Variants in FARP1 observed in about 807,000 individuals in gnomAD.
The protein encoded by FARP1 is FERM, ARHGEF and pleckstrin domain-containing protein 1.
A neutral mutation model predicts 128.8 loss-of-function variants in FARP1; 52 were observed. The ratio of observed to expected loss-of-function variants is 0.40; its 90% CI spans 0.32 to 0.51. FARP1 has a LOEUF of 0.51. Ranked by LOEUF, FARP1 falls within the 20% of genes least tolerant of loss-of-function variation. The pLI is 0.45. For missense variants in FARP1, 1,333 were observed against 1,367.9 expected, an observed-to-expected ratio of 0.97 and a Z score of 0.40; for synonymous variants, 580 against 551.8, an observed-to-expected ratio of 1.05 and a Z score of -0.72.
At chr13:98,165,943 C>T (rs1877238286) in intron 1 of FARP1, among the ~76,000 whole-genome samples, 1 of 151,890 alleles carries the variant, frequency 6.6e-6, no homozygotes, top group Non-Finnish European at 1.5e-5. Flanking sequence ...TCGTCTCGAC[C>T]TCCTGATCTC....
At position 98,242,702 on chromosome 13, in the gene FARP1, T is replaced by G. The variant is rs145106441; in HGVS notation, c.171+29289T>G. On this transcript the variant is annotated intron_variant, in intron 2 of 26. Transcript: ENST00000319562. ...AAAGAAATCTGGACTTAATATAAAA[T>G]TTTGAAAGATGTAAGGCTATGGAAA... Among the ~76,000 whole-genome samples the G allele has an allele frequency of 6.6e-4, 101 of 152,286 alleles. 5 individuals carry two copies. In the East Asian group the frequency reaches 0.019, roughly 29 times the overall value.
chr13:98,357,913 G>A (rs1888703766), intron 3 of FARP1, among the ~76,000 whole-genome samples: 1 of 152,120 alleles, frequency 6.6e-6, no homozygotes. Flanking sequence ...ACACTGTAGG[G>A]CATAGTCTGG....
At chr13:98,291,340 T>TGAG (rs1222663567) in intron 2 of FARP1, among the ~76,000 whole-genome samples, 5 of 151,844 alleles carry the variant, frequency 3.3e-5, no homozygotes, top group Non-Finnish European at 5.9e-5. Context: ...TTGAGTGGGC[T>TGAG]GAGGAGGAGG....
intron 3 of FARP1, among the ~76,000 whole-genome samples, chr13:98,356,642 T>TTTAC (rs1482627835): frequency 6.6e-6 from 1 of 151,126 alleles, no homozygotes; most frequent in Non-Finnish European, 1.5e-5. Flanking sequence ...TATTTATTTA[T>TTTAC]TTATTTATTT....
chr13:98,203,475 A>T (rs556514837), intron 1 of FARP1, among the ~76,000 whole-genome samples: 1 of 152,336 alleles, frequency 6.6e-6, no homozygotes, highest in South Asian at 2.1e-4. Context: ...TTGGCTGGAT[A>T]TTACATTTAA....
chr13:98,273,713 C>T (rs1395623438), intron 2 of FARP1, among the ~76,000 whole-genome samples: 3 of 152,166 alleles, frequency 2.0e-5, no homozygotes, highest in East Asian at 1.9e-4. Flanking sequence ...TAACATAGCT[C>T]GTGTGAAGCA....
At chr13:98,277,079 G>T (rs1306627416) in intron 2 of FARP1, among the ~76,000 whole-genome samples, 1 of 139,834 alleles carries the variant, frequency 7.2e-6, no homozygotes, top group Non-Finnish European at 1.5e-5. Flanking sequence ...CCCAGAACAT[G>T]TCTGAGCTCT....
At chr13:98,205,984 T>G (rs977788178) in intron 1 of FARP1, among the ~76,000 whole-genome samples, 2 of 152,250 alleles carry the variant, frequency 1.3e-5, no homozygotes, top group East Asian at 1.9e-4. Context: ...GGACAAAGCT[T>G]TAATCTGTTG....
rs551415519 is a variant in FARP1 at position 98,345,141 on chromosome 13, A to C, written c.276+1275A>C. 2.1e-4 allele frequency among the ~76,000 whole-genome samples: 32 copies of C among 152,334 alleles called. No individual in the cohort carries two copies. In the South Asian group the frequency reaches 6.4e-3, roughly 31 times the overall value. ...CATGCTCTTATTTCATGGTAAAATA[A>C]TGATTCTCAAAACACCTGAAGATAC... On this transcript the variant is annotated intron_variant, in intron 3 of 26. Transcript: ENST00000319562.
At chr13:98,214,909 G>T (rs1189762894) in intron 2 of FARP1, among the ~76,000 whole-genome samples, 4 of 152,150 alleles carry the variant, frequency 2.6e-5, no homozygotes, top group Non-Finnish European at 5.9e-5. Context: ...TGTCTTTGTT[G>T]CCAGACTGGT....
intron 1 of FARP1, among the ~76,000 whole-genome samples, chr13:98,186,274 CTT>C (rs1241366306): frequency 2.0e-5 from 3 of 151,786 alleles, no homozygotes; most frequent in Non-Finnish European, 4.4e-5. Flanking sequence ...GCCTGGCTAA[CTT>C]TTTGTATTTT....
intron 2 of FARP1, among the ~76,000 whole-genome samples, chr13:98,316,633 G>A (rs1224648690): frequency 1.3e-5 from 2 of 152,174 alleles, no homozygotes; most frequent in Admixed American, 6.5e-5. Context: ...TCATCCTTGC[G>A]TTGTAACACA....
At chr13:98,368,059 A>T in intron 4 of FARP1, 58 bp from the exon 5 acceptor site, 1 of 1,347,898 alleles carries the variant, frequency 7.4e-7, no homozygotes, top group Non-Finnish European at 1.1e-6. Context: ...CTTTTTCTTT[A>T]ATGGCATTTG....
chr13:98,321,095 A>C (rs1886974652), intron 2 of FARP1, among the ~76,000 whole-genome samples: 1 of 152,180 alleles, frequency 6.6e-6, no homozygotes, highest in African/African-American at 2.4e-5. Context: ...ATGATGTGTG[A>C]GTGTCCCCAT....
At position 98,369,441 on chromosome 13, in the gene FARP1, T is replaced by C. The variant is rs375050708; in HGVS notation, c.398+1246T>C. On this transcript the variant is annotated intron_variant, in intron 5 of 26. Coordinates refer to ENST00000319562, the MANE Select transcript of FARP1 (RefSeq NM_005766.4). ...CAGGTTAGTTACATATGTATACATG[T>C]GCCATGCTGGTGTGCTGCACCCATT... is the stretch of plus-strand genomic sequence containing the variant. Among the ~76,000 whole-genome samples, 171 of 151,544 alleles carry C rather than the reference T, an allele frequency of 1.1e-3. 2 individuals are homozygous for C. The South Asian group carries it at 0.025, about 22-fold the overall frequency.
chr13:98,396,916 G>C (rs116282549), intron 13 of FARP1: 2,163 of 155,176 alleles, frequency 0.014, 48 homozygotes, highest in African/African-American at 0.044. Flanking sequence ...TACAGAAAAG[G>C]GTTTCCCATT....
At chr13:98,213,970 T>G (rs1479483565) in intron 2 of FARP1, among the ~76,000 whole-genome samples, 1 of 152,060 alleles carries the variant, frequency 6.6e-6, no homozygotes, top group African/African-American at 2.4e-5. Context: ...TCGAAAAGCC[T>G]CCTTCCGAGC....
intron 2 of FARP1, among the ~76,000 whole-genome samples, chr13:98,296,514 AC>A (rs11434354): frequency 6.7e-6 from 1 of 150,178 alleles, no homozygotes; most frequent in Non-Finnish European, 1.5e-5. Flanking sequence ...GAAGACAGGG[AC>A]CCCCCGCTCT....
chr13:98,414,231 C>T (rs1891296097), intron 16 of FARP1, among the ~76,000 whole-genome samples: 1 of 152,088 alleles, frequency 6.6e-6, no homozygotes, highest in Non-Finnish European at 1.5e-5. Flanking sequence ...CATAATGTAA[C>T]CCATGTTTTA....
Sources: gnomAD v4.1 joint callset for allele counts (sites outside exome capture counted in the v4.1 genomes callset) on GRCh38, gnomAD v4.1.1 for gene constraint, MANE v1.5 for transcripts, NCBI Gene and HGNC (gene_info 2026-07-23, HGNC 2026-07-21) for gene names.